Variants in AKAP6 observed in about 807,000 individuals in gnomAD.
The protein encoded by AKAP6 is A-kinase anchoring protein 6, also known as A-kinase anchor protein 6.
In AKAP6, 58 loss-of-function variants were observed where a neutral mutation model predicts 188.5. That is an observed-to-expected ratio of 0.31 (90% confidence interval 0.25 to 0.38). The LOEUF (loss-of-function observed/expected upper bound fraction) is 0.38, where lower values mean the gene tolerates loss of function less well. Among genes scored for constraint, AKAP6 ranks in the 10% least tolerant of loss-of-function variants. AKAP6 has a pLI of 1.00. For synonymous variants in AKAP6, 989 were observed against 998.6 expected (o/e 0.99, Z 0.18); for missense variants, 2,710 against 2,740.0 (o/e 0.99, Z 0.24).
intron 1 of AKAP6, among the ~76,000 whole-genome samples, chr14:32,379,715 A>G (rs1356232508): frequency 6.6e-6 from 1 of 152,120 alleles, no homozygotes; most frequent in Non-Finnish European, 1.5e-5. Context: ...CAGAACCTCA[A>G]ACTCAACACT....
intron 7 of AKAP6, among the ~76,000 whole-genome samples, chr14:32,651,295 A>G (rs1594813057): frequency 6.6e-6 from 1 of 152,298 alleles, no homozygotes; most frequent in South Asian, 2.1e-4. Context: ...CACGGCAGCC[A>G]AGAATCATGG....
At chr14:32,794,813 T>C (rs577901857) in intron 12 of AKAP6, among the ~76,000 whole-genome samples, 2 of 151,844 alleles carry the variant, frequency 1.3e-5, no homozygotes, top group South Asian at 2.1e-4. Context: ...CTGAAGGAGA[T>C]AGAGACATGA....
chr14:32,584,214 T>C (rs1163875644), intron 5 of AKAP6, among the ~76,000 whole-genome samples: 1 of 152,156 alleles, frequency 6.6e-6, no homozygotes, highest in African/African-American at 2.4e-5. Context: ...AAACCTCAGA[T>C]AGCACCACAC....
rs141045184 is a variant in AKAP6, at chr14:32,495,645, G to C, written c.325-39909G>C. ...GGCTGAGAGCATTCACACAAAGTGC[G>C]ACTTATCTGGCGCGTGGTAAAATGC... On this transcript the variant is annotated intron_variant, in intron 2 of 13. Coordinates refer to ENST00000280979, the MANE Select transcript of AKAP6 (RefSeq NM_004274.5). Among the ~76,000 whole-genome samples the C allele has an allele frequency of 2.9e-3, 446 of 152,252 alleles. 1 individual carries two copies. Among genetic ancestry groups the C allele is most frequent in the Non-Finnish European group, 4.9e-3 (332 of 68,018 alleles).
rs76641787 is a variant in AKAP6 at position 32,531,076 on chromosome 14, C to G, written c.325-4478C>G. Among the ~76,000 whole-genome samples, 1,062 of 152,250 alleles carry G rather than the reference C, an allele frequency of 7.0e-3. 8 individuals carry two copies. The highest frequency in any genetic ancestry group is 0.024 in the African/African-American group (995 of 41,550). On this transcript the variant is annotated intron_variant, in intron 2 of 13. Coordinates refer to ENST00000280979, the MANE Select transcript of AKAP6 (RefSeq NM_004274.5). ...AGGTATCTGGAAGGTTGAGTGAAGT[C>G]AGCAATTGGTAACATAATGTATTCA...
At position 32,678,197 on chromosome 14, in the gene AKAP6, G is replaced by A. The variant is rs545516553; in HGVS notation, c.2731-114G>A. On this transcript the variant is annotated intron_variant, in intron 7 of 13. Coordinates refer to ENST00000280979, the MANE Select transcript of AKAP6 (RefSeq NM_004274.5). ...CAACTGATCCCATTAAATCCAACTC[G>A]AAAAGGAGCACTATAATGATGTGAA... 1.5e-5 allele frequency: 17 copies of A among 1,103,964 alleles called. No homozygotes were observed. The Admixed American group carries it at 1.7e-4, about 11-fold the overall frequency. 68.4% of individuals were successfully genotyped at this position (1,103,964 alleles called of 1,614,324 possible).
chr14:32,655,099 A>G (rs1323154695), intron 7 of AKAP6, among the ~76,000 whole-genome samples: 2 of 152,206 alleles, frequency 1.3e-5, no homozygotes, highest in Non-Finnish European at 2.9e-5. Flanking sequence ...TGATTAATGA[A>G]GTAAAAATAT....
chr14:32,791,652 T>C (rs1254145744), intron 12 of AKAP6, among the ~76,000 whole-genome samples: 1 of 152,170 alleles, frequency 6.6e-6, no homozygotes, highest in African/African-American at 2.4e-5. Flanking sequence ...ATTTTGGCTT[T>C]TGTTGCAATT....
At chr14:32,579,245 C>T (rs933087193) in intron 5 of AKAP6, among the ~76,000 whole-genome samples, 5 of 152,082 alleles carry the variant, frequency 3.3e-5, no homozygotes, top group African/African-American at 1.2e-4. Flanking sequence ...AAGTTATTCT[C>T]CAGTTTGCTG....
chr14:32,685,340 T>C (rs1465365320), intron 8 of AKAP6, among the ~76,000 whole-genome samples: 3 of 152,138 alleles, frequency 2.0e-5, no homozygotes, highest in African/African-American at 7.2e-5. Flanking sequence ...AAGGGCTACC[T>C]AATCCAGCCT....
At chr14:32,802,539 A>C (rs1483813387) in intron 12 of AKAP6, among the ~76,000 whole-genome samples, 1 of 152,234 alleles carries the variant, frequency 6.6e-6, no homozygotes, top group East Asian at 1.9e-4. Context: ...GACAAATTTC[A>C]GTGTTAGAGA....
chr14:32,673,472 TG>T (rs1464460447), intron 7 of AKAP6, among the ~76,000 whole-genome samples: 1 of 152,148 alleles, frequency 6.6e-6, no homozygotes, highest in Non-Finnish European at 1.5e-5. Flanking sequence ...TGGTGGCTCA[TG>T]CCTGTAATCC....
intron 12 of AKAP6, among the ~76,000 whole-genome samples, chr14:32,818,606 C>G (rs2034446569): frequency 6.6e-6 from 1 of 151,872 alleles, no homozygotes; most frequent in Non-Finnish European, 1.5e-5. Context: ...GGAGGGCCAA[C>G]TATATTTTAC....
intron 11 of AKAP6, among the ~76,000 whole-genome samples, chr14:32,746,512 C>T (rs2031916853): frequency 6.6e-6 from 1 of 152,086 alleles, no homozygotes. Flanking sequence ...TGACTGCTGC[C>T]CTATCCTGCT....
At chr14:32,561,283 A>T (rs1294297853) in intron 4 of AKAP6, among the ~76,000 whole-genome samples, 1 of 152,196 alleles carries the variant, frequency 6.6e-6, no homozygotes, top group African/African-American at 2.4e-5. Flanking sequence ...GAATCTAGGG[A>T]ATTAGCACCA....
At chr14:32,441,205 G>A (rs937185930) in intron 2 of AKAP6, among the ~76,000 whole-genome samples, 8 of 152,114 alleles carry the variant, frequency 5.3e-5, no homozygotes, top group African/African-American at 1.9e-4. Context: ...TTTTCCTTAG[G>A]GTGTCTTCTT....
Position 32,821,494 on chromosome 14 carries a change from G to C in AKAP6, c.3681G>C (p.Lys1227Asn). Residue 1227 changes from lysine to asparagine, a missense_variant, in exon 13 of 14, where the codon AAG (lysine) becomes AAC (asparagine). Lys to Asn is a moderately conservative substitution (Grantham distance 94). This residue lies in a region of AKAP6 where 2,473 missense variants were observed against 2,426.1 expected (regional missense o/e 1.02). Transcript: ENST00000280979. Reference sequence around the variant, plus strand: ...GGGATGAAATGGACATAAGTAACAAGTTAATTAGTTTGAATGAGGAATCAA... The same window carrying C: ...GGGATGAAATGGACATAAGTAACAACTTAATTAGTTTGAATGAGGAATCAA... ...LEWDEMDISN[K>N]LISLNEESND... 6.2e-7 allele frequency: 1 copy of C among 1,613,764 alleles called. No homozygotes were observed. Among genetic ancestry groups the C allele is most frequent in the Non-Finnish European group, 8.5e-7 (1 of 1,179,800 alleles).
At chr14:32,729,803 C>A (rs2031083599) in intron 9 of AKAP6, among the ~76,000 whole-genome samples, 1 of 152,110 alleles carries the variant, frequency 6.6e-6, no homozygotes, top group East Asian at 1.9e-4. Context: ...CTGACTTTAA[C>A]TTTGCTAATC....
At chr14:32,670,997 C>A (rs182597659) in intron 7 of AKAP6, among the ~76,000 whole-genome samples, 2 of 152,102 alleles carry the variant, frequency 1.3e-5, no homozygotes, top group African/African-American at 4.8e-5. Flanking sequence ...GCAGTAAACA[C>A]ATAAACAAAA....
Sources: gnomAD v4.1 joint callset for allele counts (sites outside exome capture counted in the v4.1 genomes callset) on GRCh38, gnomAD v4.1.1 for gene constraint, gnomAD v4.1.1 regional missense constraint, MANE v1.5 for transcripts, NCBI Gene and HGNC (gene_info 2026-07-23, HGNC 2026-07-21) for gene names.